AP1G2: variants seen among roughly 807,000 people sequenced by gnomAD.
AP1G2 encodes adaptor related protein complex 1 subunit gamma 2, also known as AP-1 complex subunit gamma-like 2.
Under a neutral mutation model 95.8 loss-of-function variants are expected in AP1G2, and 85 were observed. The observed-to-expected ratio is 0.89, with a 90% CI of 0.74 to 1.06. The LOEUF (loss-of-function observed/expected upper bound fraction) is 1.06. AP1G2 is among the 50% of genes least tolerant of loss of function. The pLI, the probability that AP1G2 is intolerant of heterozygous loss-of-function variation, is 0.00. For synonymous variants in AP1G2, 378 were observed against 400.0 expected, an observed-to-expected ratio of 0.94 and a Z score of 0.66; for missense variants, 967 against 1,005.8, an observed-to-expected ratio of 0.96 and a Z score of 0.52.
chr14:23,567,374 C>A lies in AP1G2; in HGVS notation c.-5-55G>T. 1 of 1,528,460 alleles carries A rather than the reference C, an allele frequency of 6.5e-7. No individual in the cohort carries two copies. The highest frequency in any genetic ancestry group is 8.7e-7 in the Non-Finnish European group (1 of 1,143,274). The allele number at this position is 1,528,460 out of a possible 1,614,324, so 94.7% of individuals were successfully genotyped here. On this transcript the variant is annotated intron_variant, in intron 1 of 21. Transcript: ENST00000397120. The surrounding 1 kb of genome is among the most constrained non-coding windows in gnomAD (Gnocchi z 5.3). ...CTCTGGTCGGGCGTGCCTGGGCTTT[C>A]GGCCCAGGCCCGTCCTGTGTCAAGA...
chr14:23,562,735 C>G, intron 14 of AP1G2, 142 bp from the exon 15 acceptor site: 1 of 734,184 alleles, frequency 1.4e-6, no homozygotes, highest in Non-Finnish European at 2.2e-6. Flanking sequence ...AGACCCCCCC[C>G]ATCTCTATTT....
chr14:23,563,451 C>T lies in AP1G2; in HGVS notation c.1339G>A (p.Gly447Arg), dbSNP rs140628752. 42 of 1,613,566 alleles carry T rather than the reference C, an allele frequency of 2.6e-5. No homozygotes were observed. Among genetic ancestry groups the T allele is most frequent in the Non-Finnish European group, 3.4e-5 (40 of 1,179,892 alleles). ...DAVANLTQLI[G>R]GAQELHAYSV... ...TAGGCATGTAGCTCCTGGGCCCCCC[C>T]AATCAGCTGGGTCAGGTTGGCCACT... Residue 447 changes from glycine to arginine, a missense_variant, in exon 14 of 22, where the codon GGG becomes AGG. Physicochemically the swap from Gly to Arg is moderately radical, Grantham distance 125. Coordinates refer to ENST00000397120, the MANE Select transcript of AP1G2 (RefSeq NM_003917.5).
At chr14:23,566,202 G>A in intron 4 of AP1G2, 42 bp from the exon 5 acceptor site, 1 of 1,596,562 alleles carries the variant, frequency 6.3e-7, no homozygotes, top group Non-Finnish European at 8.5e-7. Context: ...AGAGGAGATG[G>A]ACCCCTGCAT....
chr14:23,563,554 G>A (rs1886204433), intron 13 of AP1G2, 30 bp downstream of exon 13: 1 of 1,614,214 alleles, frequency 6.2e-7, no homozygotes, highest in African/African-American at 1.3e-5. Context: ...GACCACTTCT[G>A]CCCAGCTCTC....
intron 6 of AP1G2, 53 bp downstream of exon 6, chr14:23,565,763 T>TTCC: frequency 6.2e-7 from 1 of 1,607,946 alleles, no homozygotes; most frequent in Non-Finnish European, 8.5e-7. Flanking sequence ...GCCCCATTCC[T>TTCC]TCCCCACTGA....
Position 23,565,662 on chromosome 14 carries a change from T to C in AP1G2, c.685A>G (p.Thr229Ala), listed in dbSNP as rs1266963277. The C allele has an allele frequency of 1.9e-6, 3 of 1,614,058 alleles. No homozygotes were observed. The highest frequency in any genetic ancestry group is 4.5e-5 in the East Asian group (2 of 44,896). Reference protein sequence around the residue: ...QLVHILRTLVTMGYSTEHSIS... With the variant: ...QLVHILRTLVAMGYSTEHSIS... ...CTGTGTTCTGTGGAGTATCCCATTG[T>C]CACCAGAGTCCGGAGGATGTGTACC... Residue 229 changes from threonine to alanine, a missense_variant, in exon 7 of 22, where the codon ACA becomes GCA. By Grantham distance (58) the Thr-to-Ala change is moderately conservative. Transcript: ENST00000397120.
Position 23,562,410 on chromosome 14 carries a change from G to T in AP1G2, c.1506C>A (p.Asp502Glu). 6.2e-7 allele frequency: 1 copy of T among 1,614,138 alleles called. No individual in the cohort carries two copies. The highest frequency in any genetic ancestry group is 8.5e-7 in the Non-Finnish European group (1 of 1,180,006). ...CCAGCAATGCCAGCACTTCCTCTTC[G>T]TCCACCTTCAGACATGGATACAGTT... ...NCEEIEPLQVDEEEVLALLEK... is the reference protein window; with the variant it reads ...NCEEIEPLQVEEEEVLALLEK... The change falls in exon 16 of 22, where the codon GAC becomes GAA. Residue 502 changes from aspartate to glutamate, a missense_variant. Physicochemically the swap from Asp to Glu is conservative, Grantham distance 45. Coordinates refer to ENST00000397120, the MANE Select transcript of AP1G2 (RefSeq NM_003917.5).
At chr14:23,561,206 G>A (rs923219207) in intron 19 of AP1G2, 90 bp downstream of exon 19, 2 of 1,472,464 alleles carry the variant, frequency 1.4e-6, no homozygotes, top group Admixed American at 2.3e-5. Flanking sequence ...GAAGAAGCAG[G>A]GTCCATGAGC....
chr14:23,563,402 G>A lies in AP1G2; in HGVS notation c.1388C>T (p.Ala463Val). 1 of 1,602,982 alleles carries A rather than the reference G, an allele frequency of 6.2e-7. No homozygotes were observed. The highest frequency in any genetic ancestry group is 8.5e-7 in the Non-Finnish European group (1 of 1,175,320). ...HAYSVRRLYN[A>V]LAEDISQQPL... ...TACCTGGGAAATGTCTTCTGCCAGGGCATTGTAGAGGCGGCGCACAGAGTA... is the reference window on the plus strand; with the variant it reads ...TACCTGGGAAATGTCTTCTGCCAGGACATTGTAGAGGCGGCGCACAGAGTA... The change falls in exon 14 of 22, where the codon GCC becomes GTC. Residue 463 changes from alanine to valine, a missense_variant. Physicochemically the swap from Ala to Val is moderately conservative, Grantham distance 64. Transcript: ENST00000397120.
rs184103654 is a variant in AP1G2 at position 23,566,439 on chromosome 14, G to A, written c.330-20C>T. ...AGGTCACTGCAGGGTTTGGGAGGAC[G>A]GTCAGTCAAACCTCTGAGAAAATCA... is the stretch of plus-strand genomic sequence containing the variant. On this transcript the variant is annotated intron_variant, in intron 3 of 21. Transcript: ENST00000397120. The A allele has an allele frequency of 6.8e-6, 11 of 1,610,860 alleles. No homozygotes were observed. The highest frequency in any genetic ancestry group is 9.3e-6 in the Non-Finnish European group (11 of 1,177,694).
intron 7 of AP1G2, 121 bp downstream of exon 7, chr14:23,565,485 C>CTGCTA: frequency 2.2e-6 from 2 of 895,434 alleles, no homozygotes; most frequent in East Asian, 5.2e-5. Flanking sequence ...AATCCTGTGC[C>CTGCTA]TGCTACTCTG....
chr14:23,564,485 G>A, intron 9 of AP1G2, 77 bp downstream of exon 9: 1 of 1,599,346 alleles, frequency 6.3e-7, no homozygotes. Context: ...GGGCTAGGAG[G>A]GAGAAACCAG....
chr14:23,567,027 C>T lies in AP1G2; in HGVS notation c.204+84G>A. 1.4e-6 allele frequency: 2 copies of T among 1,406,872 alleles called. No homozygotes were observed. Among genetic ancestry groups the T allele is most frequent in the Admixed American group, 2.5e-5 (1 of 40,106 alleles). The allele number at this position is 1,406,872 out of a possible 1,614,324, so 87.1% of individuals were successfully genotyped here. On this transcript the variant is annotated intron_variant, in intron 2 of 21. Coordinates refer to ENST00000397120, the MANE Select transcript of AP1G2 (RefSeq NM_003917.5). The surrounding 1 kb of genome is among the most constrained non-coding windows in gnomAD (Gnocchi z 5.3). ...TCTGAAATTGTAGAATTTAAAAAAC[C>T]AGGGCATAAACAGGTGAGAGAGTCT...
In AP1G2 at chr14:23,561,956, A is replaced by G. The variant is rs769627554; in HGVS notation, c.1733+6T>C. 6.2e-7 allele frequency: 1 copy of G among 1,605,236 alleles called. No homozygotes were observed. Among genetic ancestry groups the G allele is most frequent in the Non-Finnish European group, 8.5e-7 (1 of 1,176,010 alleles). Reference sequence around the variant, plus strand: ...GTCCCATGCTGCAGCACAGTGCTGGACACACCTCATGTGGTCGTATTTCCG... The same window carrying G: ...GTCCCATGCTGCAGCACAGTGCTGGGCACACCTCATGTGGTCGTATTTCCG... On this transcript the variant is annotated splice_donor_region_variant and intron_variant, in intron 17 of 21. Coordinates refer to ENST00000397120, the MANE Select transcript of AP1G2 (RefSeq NM_003917.5).
rs969453981 is a variant in AP1G2, at chr14:23,567,534, C to G, written c.-6+205G>C. 4 of 1,354,528 alleles carry G rather than the reference C, an allele frequency of 3.0e-6. No homozygotes were observed. In the African/African-American group the frequency reaches 6.1e-5, roughly 21 times the overall value. The allele number at this position is 1,354,528 out of a possible 1,614,324, so 83.9% of individuals were successfully genotyped here. On this transcript the variant is annotated intron_variant, in intron 1 of 21. Transcript: ENST00000397120. This position sits in a 1 kb window ranked among gnomAD's most constrained non-coding sequence, Gnocchi z 5.3. Reference sequence around the variant, plus strand: ...CGCATGCGTCCGCACCCCACCGGCGCCCCTTCCTATTGAGCATGCGCGGGA... The same window carrying G: ...CGCATGCGTCCGCACCCCACCGGCGGCCCTTCCTATTGAGCATGCGCGGGA...
In AP1G2 at chr14:23,564,124, T is replaced by A. The variant is rs1254623779; in HGVS notation, c.1013A>T (p.Gln338Leu). The A allele has an allele frequency of 6.2e-7, 1 of 1,614,194 alleles. No homozygotes were observed. The highest frequency in any genetic ancestry group is 1.7e-5 in the Admixed American group (1 of 60,018). Residue 338 changes from glutamine (Q) to leucine (L), a missense_variant, in exon 11 of 22, where the codon CAG becomes CTG. Transcript: ENST00000397120. ...CCGCTGCACAGCACTGTGATCAGAC[T>A]GCACCAGTCGAAGCAGTGATGTCAG... Reference protein sequence around the residue: ...VALTSLLRLVQSDHSAVQRHR... With the variant: ...VALTSLLRLVLSDHSAVQRHR...
intron 14 of AP1G2, chr14:23,562,917 G>A: frequency 3.5e-6 from 2 of 567,908 alleles, no homozygotes; most frequent in Non-Finnish European, 5.5e-6. Flanking sequence ...CCCTCTGGTG[G>A]CCAAGCATCA....
At chr14:23,566,892 G>A (rs1888318482) in intron 2 of AP1G2, 3 of 892,184 alleles carry the variant, frequency 3.4e-6, no homozygotes, top group Non-Finnish European at 5.0e-6. Flanking sequence ...GCGGAGAGGA[G>A]GAGATGCCTG....
intron 14 of AP1G2, chr14:23,563,110 G>A: frequency 2.2e-6 from 3 of 1,368,082 alleles, no homozygotes; most frequent in Non-Finnish European, 2.8e-6. Flanking sequence ...AAACACAAGA[G>A]CTTTAATCTC....
Sources: allele counts gnomAD v4.1 joint callset, GRCh38; gene constraint gnomAD v4.1.1; non-coding constraint Gnocchi (gnomAD v3.1); transcripts MANE v1.5; gene names NCBI Gene and HGNC (gene_info 2026-07-23, HGNC 2026-07-21).